The following AOAH variants were observed in gnomAD, a reference collection of about 807,000 sequenced individuals.
The protein encoded by AOAH is acyloxyacyl hydrolase (neutrophil).
In AOAH, 64 loss-of-function variants were observed where a neutral mutation model predicts 92.2. That is an observed-to-expected ratio of 0.69 (90% CI 0.57 to 0.86). The LOEUF (loss-of-function observed/expected upper bound fraction) is 0.86. Among genes scored for constraint, AOAH ranks in the 40% least tolerant of loss-of-function variants. The probability of loss-of-function intolerance (pLI) is 0.00; values close to 1 mark genes in which losing one functional copy is unlikely to be tolerated. For synonymous variants in AOAH, 263 were observed against 254.5 expected, an observed-to-expected ratio of 1.03 and a Z score of -0.32; for missense variants, 656 against 694.6, an observed-to-expected ratio of 0.94 and a Z score of 0.62.
intron 16 of AOAH, among the ~76,000 whole-genome samples, chr7:36,539,820 T>C (rs1266995207): frequency 6.6e-6 from 1 of 152,206 alleles, no homozygotes; most frequent in African/African-American, 2.4e-5. Context: ...TCGAGAATAT[T>C]TGAGTTGCCA....
At chr7:36,546,868 T>C (rs997193774) in intron 15 of AOAH, among the ~76,000 whole-genome samples, 4 of 152,166 alleles carry the variant, frequency 2.6e-5, no homozygotes, top group African/African-American at 4.8e-5. Context: ...TTCTTTGTCA[T>C]TGTATCCATA....
At chr7:36,534,910 G>A (rs997113164) in intron 16 of AOAH, among the ~76,000 whole-genome samples, 2 of 151,904 alleles carry the variant, frequency 1.3e-5, no homozygotes, top group South Asian at 2.1e-4. Flanking sequence ...GTGTGTCTGT[G>A]TCTCTGTCTG....
At chr7:36,578,805 T>C (rs1048455453) in intron 12 of AOAH, among the ~76,000 whole-genome samples, 2 of 152,226 alleles carry the variant, frequency 1.3e-5, no homozygotes, top group African/African-American at 2.4e-5. Flanking sequence ...TATTTATCAT[T>C]GTATTAGTCT....
chr7:36,568,278 A>G (rs1787855359), intron 13 of AOAH, among the ~76,000 whole-genome samples: 1 of 152,242 alleles, frequency 6.6e-6, no homozygotes, highest in Non-Finnish European at 1.5e-5. Flanking sequence ...TTCCTGGTAC[A>G]GGGAGCGGGA....
At chr7:36,698,592 G>A (rs1031020852) in intron 1 of AOAH, among the ~76,000 whole-genome samples, 1 of 151,966 alleles carries the variant, frequency 6.6e-6, no homozygotes, top group African/African-American at 2.4e-5. Flanking sequence ...TGCTTTAGCT[G>A]CATTCAATAG....
rs889486764 is a variant in AOAH, at chr7:36,614,854, C to G, written c.846+1526G>C. Among the ~76,000 whole-genome samples, 14 of 152,152 alleles carry G rather than the reference C, an allele frequency of 9.2e-5. No homozygotes were observed. Among genetic ancestry groups the G allele is most frequent in the Non-Finnish European group, 1.6e-4 (11 of 68,030 alleles). The stretch of plus-strand genomic sequence containing the variant: ...AGGTTTGAAGACTTTTGGGGGTCAC[C>G]TGACTGCTGTGGACTGGGGAGACAG... On this transcript the variant is annotated intron_variant, in intron 11 of 20. Coordinates refer to ENST00000617537, the MANE Select transcript of AOAH (RefSeq NM_001637.4). The surrounding 1 kb of genome is among the most constrained non-coding windows in gnomAD (Gnocchi z 4.2).
intron 1 of AOAH, among the ~76,000 whole-genome samples, chr7:36,719,015 A>T (rs1017828445): frequency 7.9e-5 from 12 of 152,250 alleles, no homozygotes; most frequent in African/African-American, 2.9e-4. Flanking sequence ...CATCAACAAT[A>T]ACATAATCAT....
Position 36,614,562 on chromosome 7 carries a change from G to A in AOAH, c.846+1818C>T, listed in dbSNP as rs1424335004. Among the ~76,000 whole-genome samples, 1 of 152,160 alleles carries A rather than the reference G, an allele frequency of 6.6e-6. No individual in the cohort carries two copies. Among genetic ancestry groups the A allele is most frequent in the African/African-American group, 2.4e-5 (1 of 41,436 alleles). ...CTGCCACCTCTCAAGATGGGTTCCT[G>A]GCCACTCACTCCCCAGCCTGTCTTC... On this transcript the variant is annotated intron_variant, in intron 11 of 20. Coordinates refer to ENST00000617537, the MANE Select transcript of AOAH (RefSeq NM_001637.4). This position sits in a 1 kb window ranked among gnomAD's most constrained non-coding sequence, Gnocchi z 4.2.
At chr7:36,596,624 C>A (rs534324729) in intron 11 of AOAH, among the ~76,000 whole-genome samples, 222 of 152,232 alleles carry the variant, frequency 1.5e-3, no homozygotes, top group African/African-American at 5.1e-3. Context: ...CTTCTGCAAT[C>A]CAGTTAATGG....
At chr7:36,652,285 T>G (rs182613221) in intron 4 of AOAH, among the ~76,000 whole-genome samples, 1 of 152,210 alleles carries the variant, frequency 6.6e-6, no homozygotes, top group Admixed American at 6.5e-5. Context: ...CTGGAAAAAT[T>G]TGTGCAATAA....
At chr7:36,657,221 A>T (rs368481283) in intron 4 of AOAH, among the ~76,000 whole-genome samples, 1 of 152,204 alleles carries the variant, frequency 6.6e-6, no homozygotes, top group East Asian at 1.9e-4. Context: ...AGTTTCTGAA[A>T]CATTGACACC....
intron 15 of AOAH, among the ~76,000 whole-genome samples, chr7:36,542,824 C>T (rs1785498417): frequency 6.6e-6 from 1 of 151,982 alleles, no homozygotes; most frequent in Non-Finnish European, 1.5e-5. Flanking sequence ...TCGTTGGTTG[C>T]ACAACATTGT....
intron 15 of AOAH, among the ~76,000 whole-genome samples, chr7:36,543,945 TTC>T (rs1379592288): frequency 2.8e-4 from 26 of 92,096 alleles, no homozygotes; most frequent in East Asian, 5.8e-4. Context: ...CTTTCTTTCT[TTC>T]TTTTTTTTTT....
intron 2 of AOAH, among the ~76,000 whole-genome samples, chr7:36,674,982 C>T (rs1017968816): frequency 7.2e-5 from 11 of 152,258 alleles, no homozygotes; most frequent in African/African-American, 2.4e-4. Flanking sequence ...CGGCTGGGTG[C>T]AGCGGCTCAC....
At chr7:36,601,713 G>A (rs1790620211) in intron 11 of AOAH, among the ~76,000 whole-genome samples, 1 of 152,182 alleles carries the variant, frequency 6.6e-6, no homozygotes, top group Non-Finnish European at 1.5e-5. Flanking sequence ...TCAGCACATA[G>A]AAGGGACATC....
intron 1 of AOAH, among the ~76,000 whole-genome samples, chr7:36,701,573 TAC>T (rs1268700733): frequency 6.6e-6 from 1 of 151,672 alleles, no homozygotes; most frequent in Admixed American, 6.6e-5. Context: ...GGGATTATTC[TAC>T]ATCTTAAAGT....
intron 3 of AOAH, among the ~76,000 whole-genome samples, chr7:36,669,936 G>A (rs1795807151): frequency 6.6e-6 from 1 of 152,166 alleles, no homozygotes; most frequent in Non-Finnish European, 1.5e-5. Flanking sequence ...AGAGAGCAAT[G>A]GCGGTCTGAG....
Position 36,532,473 on chromosome 7 carries a change from A to C in AOAH, c.1307-129T>G, listed in dbSNP as rs1784755562. ...AGGGTGTTCCCCTGATTTTTCATGC[A>C]GCATTGCTCTTGAAGAATGCCTGTG... On this transcript the variant is annotated intron_variant, in intron 16 of 20. Transcript: ENST00000617537. 4.8e-6 allele frequency: 4 copies of C among 841,628 alleles called. No homozygotes were observed. In the South Asian group the frequency reaches 5.8e-5, roughly 12 times the overall value. 52.1% of individuals were successfully genotyped at this position (841,628 alleles called of 1,614,324 possible).
chr7:36,696,438 C>A (rs1036899014), intron 1 of AOAH, among the ~76,000 whole-genome samples: 1 of 152,114 alleles, frequency 6.6e-6, no homozygotes, highest in African/African-American at 2.4e-5. Flanking sequence ...AATTTCTCTT[C>A]GCAATATTTT....
Sources: gnomAD v4.1 joint callset for allele counts (sites outside exome capture counted in the v4.1 genomes callset) on GRCh38, gnomAD v4.1.1 for gene constraint, Gnocchi (gnomAD v3.1) non-coding constraint, MANE v1.5 for transcripts, NCBI Gene and HGNC (gene_info 2026-07-23, HGNC 2026-07-21) for gene names.